SEPHS1: variants seen among roughly 807,000 people sequenced by gnomAD.
The protein encoded by SEPHS1 is zincore component SEPHS1.
Under a neutral mutation model 39.2 loss-of-function variants are expected in SEPHS1, and 7 were observed. The observed-to-expected ratio is 0.18, with a 90% confidence interval of 0.10 to 0.34. The LOEUF is 0.34. SEPHS1 is among the 10% of genes least tolerant of loss of function. The pLI is 1.00. For synonymous variants in SEPHS1, 190 were observed against 195.5 expected, an observed-to-expected ratio of 0.97 and a Z score of 0.23; for missense variants, 253 against 514.5, an observed-to-expected ratio of 0.49 and a Z score of 4.92.
At chr10:13,338,622 C>CAG (rs1184220232) in intron 3 of SEPHS1, 83 bp downstream of exon 3, 13 of 1,077,386 alleles carry the variant, frequency 1.2e-5, no homozygotes, top group Non-Finnish European at 1.9e-5. Context: ...CAAAACCCCA[C>CAG]AGATACATAC....
chr10:13,331,393 C>CTT (rs71513366), intron 5 of SEPHS1, among the ~76,000 whole-genome samples: 12 of 150,324 alleles, frequency 8.0e-5, no homozygotes, highest in South Asian at 4.2e-4. Flanking sequence ...AATTCTAGAT[C>CTT]TTTTTTTTTT....
At chr10:13,332,902 T>C (rs751801860) in intron 5 of SEPHS1, among the ~76,000 whole-genome samples, 28 of 151,204 alleles carry the variant, frequency 1.9e-4, no homozygotes, top group Non-Finnish European at 4.0e-4. Flanking sequence ...TACTGACACA[T>C]GCTACAAAAT....
chr10:13,345,817 C>T (rs1316829455), intron 1 of SEPHS1, among the ~76,000 whole-genome samples: 1 of 152,186 alleles, frequency 6.6e-6, no homozygotes, highest in Admixed American at 6.5e-5. Flanking sequence ...GCGGAGGTTG[C>T]AGTGAGCCGA....
chr10:13,336,899 C>T (rs1833652878), intron 3 of SEPHS1, among the ~76,000 whole-genome samples: 1 of 152,020 alleles, frequency 6.6e-6, no homozygotes, highest in Non-Finnish European at 1.5e-5. Context: ...GCCTGTAATC[C>T]CAGCAATTTG....
At chr10:13,335,738 G>A (rs1441583671) in intron 4 of SEPHS1, among the ~76,000 whole-genome samples, 1 of 151,818 alleles carries the variant, frequency 6.6e-6, no homozygotes, top group Non-Finnish European at 1.5e-5. Flanking sequence ...CCAGCACTTT[G>A]GGATGCCGAG....
At chr10:13,344,207 C>T (rs2130700193) in intron 2 of SEPHS1, among the ~76,000 whole-genome samples, 1 of 152,240 alleles carries the variant, frequency 6.6e-6, no homozygotes, top group South Asian at 2.1e-4. Flanking sequence ...CCAAGTACAG[C>T]ACAAGAACCC....
At chr10:13,323,406 G>A (rs1399681181) in intron 7 of SEPHS1, among the ~76,000 whole-genome samples, 1 of 152,114 alleles carries the variant, frequency 6.6e-6, no homozygotes, top group Non-Finnish European at 1.5e-5. Flanking sequence ...CCAGGCTGGG[G>A]TGCAGTCGTA....
intron 1 of SEPHS1, among the ~76,000 whole-genome samples, chr10:13,346,015 G>A (rs1304380128): frequency 6.6e-6 from 1 of 152,240 alleles, no homozygotes; most frequent in African/African-American, 2.4e-5. Context: ...GTTCTCTGAT[G>A]TTTTCACGCA....
rs1389025702 is a variant in SEPHS1, at chr10:13,319,318, G to T, written c.1003C>A (p.Arg335=). ...LICLPREQAA[R]FCAEIKSPKY... Reference sequence around the variant, plus strand: ...GGGGACTTTATCTCTGCACAGAACCGAGCTGCTTGCTCACGTGGTAAACAG... The same window carrying T: ...GGGGACTTTATCTCTGCACAGAACCTAGCTGCTTGCTCACGTGGTAAACAG... The change falls in exon 9 of 9, where the codon CGG becomes AGG. Residue 335 remains arginine (R), a synonymous_variant. Coordinates refer to ENST00000327347, the MANE Select transcript of SEPHS1 (RefSeq NM_012247.5). The T allele has an allele frequency of 6.2e-7, 1 of 1,613,168 alleles. No homozygotes were observed. Among genetic ancestry groups the T allele is most frequent in the Admixed American group, 1.7e-5 (1 of 59,668 alleles).
chr10:13,334,408 G>C (rs1014509796), intron 4 of SEPHS1, among the ~76,000 whole-genome samples: 3 of 152,202 alleles, frequency 2.0e-5, no homozygotes, highest in Non-Finnish European at 4.4e-5. Context: ...GGGTGTGGTA[G>C]CATGCGCCTG....
chr10:13,342,578 T>G (rs929027922), intron 2 of SEPHS1, among the ~76,000 whole-genome samples: 1 of 152,112 alleles, frequency 6.6e-6, no homozygotes, highest in Non-Finnish European at 1.5e-5. Flanking sequence ...ACAGTGAGAC[T>G]TCATCTCAAC....
chr10:13,347,780 CGCGGCG>C (rs537003074), intron 1 of SEPHS1, among the ~76,000 whole-genome samples: 2 of 138,486 alleles, frequency 1.4e-5, no homozygotes, highest in East Asian at 2.3e-4. Context: ...CCCGGCCCCG[CGCGGCG>C]GCGGCGGCGG....
chr10:13,327,068 T>C (rs146166560), intron 7 of SEPHS1, among the ~76,000 whole-genome samples: 257 of 151,648 alleles, frequency 1.7e-3, no homozygotes, highest in African/African-American at 5.9e-3. Flanking sequence ...TGAAACCCTG[T>C]CTCTACCAAA....
rs112623483 is a variant in SEPHS1 at position 13,328,243 on chromosome 10, T to C, written c.751+108A>G. ...CCAGGAGAAGACGGTCTGTAGTCAC[T>C]GGCCAAAAATCTGGCCACCTACCCT... On this transcript the variant is annotated intron_variant, in intron 7 of 8. Transcript: ENST00000327347. The C allele has an allele frequency of 1.5e-4, 108 of 719,118 alleles. 2 individuals carry two copies. The African/African-American group carries it at 1.8e-3, about 12-fold the overall frequency. The allele number at this position is 719,118 out of a possible 1,614,324, so 44.5% of individuals were successfully genotyped here. A position where few individuals can be genotyped will look rare whatever the true frequency, so the allele number is the denominator to read the frequency against.
chr10:13,326,291 T>C (rs1246644740), intron 7 of SEPHS1, among the ~76,000 whole-genome samples: 2 of 152,042 alleles, frequency 1.3e-5, no homozygotes, highest in African/African-American at 2.4e-5. Context: ...CTGGCCAACA[T>C]GGTGAAAACC....
intron 2 of SEPHS1, among the ~76,000 whole-genome samples, chr10:13,342,633 T>C (rs747104280): frequency 1.2e-4 from 18 of 152,128 alleles, no homozygotes; most frequent in Admixed American, 3.3e-4. Context: ...ATATACCATA[T>C]ATACTTGTGT....
intron 7 of SEPHS1, among the ~76,000 whole-genome samples, chr10:13,327,114 G>T (rs1276544531): frequency 6.6e-6 from 1 of 151,740 alleles, no homozygotes; most frequent in Non-Finnish European, 1.5e-5. Context: ...GATGATGCGT[G>T]CCTGTAGTCC....
chr10:13,344,400 T>C (rs1288587763), intron 2 of SEPHS1, among the ~76,000 whole-genome samples: 2 of 152,202 alleles, frequency 1.3e-5, no homozygotes, highest in African/African-American at 2.4e-5. Context: ...GCATACTCCA[T>C]GATTTAAAAA....
At chr10:13,326,895 C>T (rs1035811209) in intron 7 of SEPHS1, among the ~76,000 whole-genome samples, 1 of 152,008 alleles carries the variant, frequency 6.6e-6, no homozygotes, top group Admixed American at 6.6e-5. Context: ...AATTGTAAAA[C>T]AATAGGTAAA....
Sources: gnomAD v4.1 joint callset for allele counts (sites outside exome capture counted in the v4.1 genomes callset) on GRCh38, gnomAD v4.1.1 for gene constraint, MANE v1.5 for transcripts, NCBI Gene and HGNC (gene_info 2026-07-23, HGNC 2026-07-21) for gene names.